PKHD1: variants seen among roughly 807,000 people sequenced by gnomAD.
PKHD1 encodes the protein PKHD1 ciliary IPT domain containing fibrocystin/polyductin, also known as fibrocystin.
In PKHD1, 291 loss-of-function variants were observed where a neutral mutation model predicts 412.0. The ratio of observed to expected loss-of-function variants is 0.71; its 90% CI spans 0.64 to 0.78. PKHD1 has a LOEUF of 0.78. PKHD1 is among the 30% of genes least tolerant of loss of function. PKHD1 has a pLI of 0.00. For synonymous variants in PKHD1, 1,777 were observed against 1,821.5 expected (o/e 0.98, Z 0.62); for missense variants, 4,825 against 4,950.7 (o/e 0.97, Z 0.76).
intron 35 of PKHD1, among the ~76,000 whole-genome samples, chr6:51,993,650 A>G (rs1797319956): frequency 6.6e-6 from 1 of 152,238 alleles, no homozygotes; most frequent in South Asian, 2.1e-4. Flanking sequence ...AAGTCATATG[A>G]CAAATCCACC....
intron 34 of PKHD1, 90 bp downstream of exon 34, chr6:52,017,320 C>T: frequency 2.1e-6 from 2 of 964,640 alleles, no homozygotes; most frequent in South Asian, 2.6e-5. Flanking sequence ...TGCCAGGCCA[C>T]ATCCACCCAG....
chr6:51,656,683 C>T (rs1771916201), intron 61 of PKHD1, among the ~76,000 whole-genome samples: 1 of 141,532 alleles, frequency 7.1e-6, no homozygotes, highest in Non-Finnish European at 1.5e-5. Flanking sequence ...TTTTTTAAGA[C>T]AGTATCTGGC....
intron 5 of PKHD1, 26 bp from the exon 6 acceptor site, chr6:52,076,359 G>T (rs1243876176): frequency 8.9e-6 from 14 of 1,573,700 alleles, no homozygotes; most frequent in Non-Finnish European, 1.2e-5. Context: ...TACCACAAGT[G>T]AGCATGTCAT....
intron 43 of PKHD1, among the ~76,000 whole-genome samples, chr6:51,897,268 G>A (rs1374632074): frequency 6.6e-6 from 1 of 151,654 alleles, no homozygotes; most frequent in Non-Finnish European, 1.5e-5. Context: ...AGAGAGAAAG[G>A]TCGGGTTACC....
Position 52,079,887 on chromosome 6 carries a change from C to G in PKHD1, c.390+13G>C. ...ACTATGTAAACATACCTTCCTCCAGCCTTAGAACCCACCTTGAAAGTACAG... is the reference window on the plus strand; with the variant it reads ...ACTATGTAAACATACCTTCCTCCAGGCTTAGAACCCACCTTGAAAGTACAG... On this transcript the variant is annotated intron_variant, in intron 5 of 66. Transcript: ENST00000371117. 6.9e-7 allele frequency: 1 copy of G among 1,444,522 alleles called. No homozygotes were observed. The highest frequency in any genetic ancestry group is 9.8e-7 in the Non-Finnish European group (1 of 1,025,432). 89.5% of individuals were successfully genotyped at this position (1,444,522 alleles called of 1,614,324 possible). A position where few individuals can be genotyped will look rare whatever the true frequency, so the allele number is the denominator to read the frequency against.
At chr6:51,964,223 G>T (rs576928267) in intron 35 of PKHD1, among the ~76,000 whole-genome samples, 1 of 152,248 alleles carries the variant, frequency 6.6e-6, no homozygotes, top group Admixed American at 6.5e-5. Context: ...TATCTTGAAA[G>T]AAGTCATTGA....
chr6:51,888,090 G>T, intron 43 of PKHD1, among the ~76,000 whole-genome samples: 1 of 152,222 alleles, frequency 6.6e-6, no homozygotes, highest in East Asian at 1.9e-4. Flanking sequence ...TCAACGATTT[G>T]TCTATTGGCT....
chr6:51,894,991 C>G lies in PKHD1; in HGVS notation c.6997-7746G>C, dbSNP rs114477614. On this transcript the variant is annotated intron_variant, in intron 43 of 66. Coordinates refer to ENST00000371117, the MANE Select transcript of PKHD1 (RefSeq NM_138694.4). ...ATCCTAATTAATCACAATTTTCTAT[C>G]ACATCTCTTTCTGTTCCACATATTA... Among the ~76,000 whole-genome samples the G allele has an allele frequency of 5.4e-3, 825 of 152,334 alleles. 5 individuals carry two copies. The highest frequency in any genetic ancestry group is 0.017 in the African/African-American group (716 of 41,558).
chr6:51,714,679 C>T (rs1227039984), intron 60 of PKHD1, among the ~76,000 whole-genome samples: 1 of 152,158 alleles, frequency 6.6e-6, no homozygotes, highest in Non-Finnish European at 1.5e-5. Context: ...TAGCAGGCTA[C>T]CATATTGGAT....
At chr6:51,690,937 G>A (rs539165882) in intron 60 of PKHD1, among the ~76,000 whole-genome samples, 13 of 152,118 alleles carry the variant, frequency 8.5e-5, no homozygotes, top group African/African-American at 2.9e-4. Flanking sequence ...CTAATATCCA[G>A]CATCTATAAG....
chr6:51,840,014 T>C (rs1035235248), intron 50 of PKHD1, among the ~76,000 whole-genome samples: 2 of 152,028 alleles, frequency 1.3e-5, no homozygotes, highest in Admixed American at 6.6e-5. Context: ...GTTGGCTCTC[T>C]CTGCATTTTT....
intron 60 of PKHD1, among the ~76,000 whole-genome samples, chr6:51,717,424 A>T (rs1781409813): frequency 6.6e-6 from 1 of 152,168 alleles, no homozygotes; most frequent in Admixed American, 6.6e-5. Flanking sequence ...AAAAAAAAAA[A>T]AATGGACTGC....
At chr6:51,982,466 G>GA (rs1795558816) in intron 35 of PKHD1, among the ~76,000 whole-genome samples, 1 of 137,030 alleles carries the variant, frequency 7.3e-6, no homozygotes. Context: ...TCTGTACTAA[G>GA]AAAAATTCTT....
intron 30 of PKHD1, 46 bp from the exon 31 acceptor site, chr6:52,027,942 A>G (rs113173488): frequency 6.8e-6 from 10 of 1,463,228 alleles, no homozygotes; most frequent in Admixed American, 1.7e-5. Flanking sequence ...ACAGAGAGAG[A>G]TAAGAAAGAG....
chr6:51,923,392 T>C (rs1184079743), intron 37 of PKHD1, among the ~76,000 whole-genome samples: 1 of 152,008 alleles, frequency 6.6e-6, no homozygotes, highest in East Asian at 1.9e-4. Flanking sequence ...AGATAATACC[T>C]ACACAAATGG....
chr6:51,676,456 C>G (rs745443949), intron 60 of PKHD1, among the ~76,000 whole-genome samples: 13 of 152,078 alleles, frequency 8.5e-5, no homozygotes, highest in Non-Finnish European at 1.9e-4. Context: ...CCATTTCCCT[C>G]AATAATTTTT....
chr6:52,054,405 A>C (rs1431459877), intron 19 of PKHD1, among the ~76,000 whole-genome samples: 3 of 152,246 alleles, frequency 2.0e-5, no homozygotes, highest in Non-Finnish European at 2.9e-5. Flanking sequence ...GACCAAAAAA[A>C]TGTCATCAAA....
intron 43 of PKHD1, among the ~76,000 whole-genome samples, chr6:51,888,384 TCATCCCTATGTAA>T (rs1778542327): frequency 6.6e-6 from 1 of 152,200 alleles, no homozygotes. Flanking sequence ...TACAATATGT[TCATCCCTATGTAA>T]CATAGACTTA....
At chr6:51,969,170 T>C (rs1793290193) in intron 35 of PKHD1, among the ~76,000 whole-genome samples, 1 of 152,164 alleles carries the variant, frequency 6.6e-6, no homozygotes, top group South Asian at 2.1e-4. Context: ...GAGGAGACCA[T>C]GTGGCTAGAA....
Sources: gnomAD v4.1 joint callset for allele counts (sites outside exome capture counted in the v4.1 genomes callset) on GRCh38, gnomAD v4.1.1 for gene constraint, MANE v1.5 for transcripts, NCBI Gene and HGNC (gene_info 2026-07-23, HGNC 2026-07-21) for gene names.